Variants in PCDHA2 observed in about 807,000 individuals in gnomAD.
PCDHA2 encodes protocadherin alpha-2.
Under a neutral mutation model 66.0 loss-of-function variants are expected in PCDHA2, and 58 were observed. That is an observed-to-expected ratio of 0.88 (90% CI 0.71 to 1.09). The LOEUF is 1.09. Ranked by LOEUF, PCDHA2 falls within the 50% of genes least tolerant of loss-of-function variation. The probability of loss-of-function intolerance (pLI) is 0.00; values close to 1 mark genes in which losing one functional copy is unlikely to be tolerated. For missense variants in PCDHA2, 1,267 were observed against 1,242.3 expected, an observed-to-expected ratio of 1.02 and a Z score of -0.30; for synonymous variants, 634 against 554.0, an observed-to-expected ratio of 1.14 and a Z score of -2.03.
In PCDHA2 at chr5:141,009,991, T is replaced by G. The variant is rs929729966; in HGVS notation, c.*54T>G. Reference sequence around the variant, plus strand: ...CCAGTTTTTGTAATAATGGCAAATCTCTCCCATGTAGCAATTCCCTGCTCC... The same window carrying G: ...CCAGTTTTTGTAATAATGGCAAATCGCTCCCATGTAGCAATTCCCTGCTCC... On this transcript the variant is annotated 3_prime_UTR_variant, in exon 4 of 4. Coordinates refer to ENST00000526136, the MANE Select transcript of PCDHA2 (RefSeq NM_018905.3). 13 of 1,578,088 alleles carry G rather than the reference T, an allele frequency of 8.2e-6. No individual in the cohort carries two copies. In the East Asian group the frequency reaches 2.5e-4, roughly 30 times the overall value.
chr5:140,948,029 T>A (rs1372869400), intron 1 of PCDHA2, among the ~76,000 whole-genome samples: 1 of 151,594 alleles, frequency 6.6e-6, no homozygotes, highest in African/African-American at 2.4e-5. Flanking sequence ...TCTGGTTTGC[T>A]CAGAGTTTTA....
chr5:140,966,918 A>T, intron 1 of PCDHA2: 1 of 1,602,744 alleles, frequency 6.2e-7, no homozygotes. Flanking sequence ...GTGCCAGAGG[A>T]GCAGGCACCC....
chr5:140,933,388 GCCATCTGGTTA>G (rs1563137793), intron 1 of PCDHA2, among the ~76,000 whole-genome samples: 2 of 151,906 alleles, frequency 1.3e-5, no homozygotes, highest in Non-Finnish European at 2.9e-5. Context: ...TGTTCCTAGA[GCCATCTGGTTA>G]CCATCTACAG....
intron 1 of PCDHA2, chr5:140,831,049 T>C (rs1289663905): frequency 6.6e-6 from 1 of 152,264 alleles, no homozygotes; most frequent in Non-Finnish European, 1.5e-5. Flanking sequence ...ATAGTGTTCA[T>C]TTATTGTCCC....
At chr5:140,897,009 A>G (rs550757061) in intron 1 of PCDHA2, among the ~76,000 whole-genome samples, 6 of 152,292 alleles carry the variant, frequency 3.9e-5, no homozygotes, top group African/African-American at 9.6e-5. Context: ...ATTTTTAAAT[A>G]TACAACTAAA....
intron 1 of PCDHA2, among the ~76,000 whole-genome samples, chr5:140,797,648 A>G (rs1449945057): frequency 6.6e-6 from 1 of 152,256 alleles, no homozygotes; most frequent in Non-Finnish European, 1.5e-5. Context: ...AACATTTCCC[A>G]TAAATATTTT....
In PCDHA2 at chr5:140,941,191, T is replaced by C. The variant is rs184104978; in HGVS notation, c.2389-37758T>C. Among the ~76,000 whole-genome samples the C allele has an allele frequency of 2.1e-3, 199 of 93,252 alleles. 3 individuals are homozygous for C. Among genetic ancestry groups the C allele is most frequent in the South Asian group, 0.011 (39 of 3,542 alleles). The allele number at this position is 93,252 out of a possible 152,430, so 61.2% of individuals were successfully genotyped here. A position where few individuals can be genotyped will look rare whatever the true frequency, so the allele number is the denominator to read the frequency against. On this transcript the variant is annotated intron_variant, in intron 1 of 3. Transcript: ENST00000526136. ...CATCTTGAACATCCTGCTTCTTTTT[T>C]TTTCTTTCTTCCTTTCTTTCTTCCT...
Position 140,917,329 on chromosome 5 carries a change from G to GT in PCDHA2, c.2389-61620_2389-61619insT, listed in dbSNP as rs1563018868. On this transcript the variant is annotated intron_variant, in intron 1 of 3. Coordinates refer to ENST00000526136, the MANE Select transcript of PCDHA2 (RefSeq NM_018905.3). ...ACAATTTGGTGTTCATGTGGCGGGG[G>GT]AGGGGGGGGATGGTGTAGGCTTCTG... is the stretch of plus-strand genomic sequence containing the variant. 5.6e-5 allele frequency among the ~76,000 whole-genome samples: 8 copies of GT among 143,930 alleles called. 1 individual carries two copies. The highest frequency in any genetic ancestry group is 9.1e-5 in the Non-Finnish European group (6 of 65,842). The allele number at this position is 143,930 out of a possible 152,430, so 94.4% of individuals were successfully genotyped here.
intron 1 of PCDHA2, chr5:140,827,893 C>G: frequency 1.4e-6 from 1 of 729,632 alleles, no homozygotes; most frequent in African/African-American, 1.8e-5. Context: ...GATTTCTTAC[C>G]TTTTGGAGCC....
rs182063339 is a variant in PCDHA2 at position 140,937,439 on chromosome 5, T to C, written c.2389-41510T>C. Among the ~76,000 whole-genome samples, 830 of 152,312 alleles carry C rather than the reference T, an allele frequency of 5.4e-3. 3 individuals are homozygous for C. The highest frequency in any genetic ancestry group is 0.019 in the African/African-American group (799 of 41,586). Reference sequence around the variant, plus strand: ...TAGATAGCTGATATTTTAATGCTATTTTAAAAGTTTAATTTTATAATACAA... The same window carrying C: ...TAGATAGCTGATATTTTAATGCTATCTTAAAAGTTTAATTTTATAATACAA... On this transcript the variant is annotated intron_variant, in intron 1 of 3. Coordinates refer to ENST00000526136, the MANE Select transcript of PCDHA2 (RefSeq NM_018905.3).
intron 1 of PCDHA2, chr5:140,802,811 C>T: frequency 6.2e-7 from 1 of 1,613,360 alleles, no homozygotes. Context: ...TGAGTGCGCG[C>T]GATGCGGGCG....
intron 1 of PCDHA2, among the ~76,000 whole-genome samples, chr5:140,933,379 G>A (rs1403607512): frequency 6.6e-6 from 1 of 151,928 alleles, no homozygotes; most frequent in East Asian, 1.9e-4. Flanking sequence ...TTCCTTGGCT[G>A]TTCCTAGAGC....
chr5:140,933,715 G>C (rs1292658358), intron 1 of PCDHA2, among the ~76,000 whole-genome samples: 1 of 151,902 alleles, frequency 6.6e-6, no homozygotes, highest in Non-Finnish European at 1.5e-5. Flanking sequence ...ACTGAGATTG[G>C]TGATACAGCT....
intron 1 of PCDHA2, chr5:140,927,599 C>T (rs1250728851): frequency 6.2e-7 from 1 of 1,614,070 alleles, no homozygotes; most frequent in African/African-American, 1.3e-5. Context: ...TTTGAGCGCT[C>T]CGTATACCGC....
Position 140,847,536 on chromosome 5 carries a change from G to A in PCDHA2, c.2388+50184G>A, listed in dbSNP as rs1162683759. On this transcript the variant is annotated intron_variant, in intron 1 of 3. Transcript: ENST00000526136. ...AACTTAGTCAGGAAAAGAATCTCAAGCATAGCTTTAAAAACAGAAATTGCC... is the reference window on the plus strand; with the variant it reads ...AACTTAGTCAGGAAAAGAATCTCAAACATAGCTTTAAAAACAGAAATTGCC... 3 of 149,444 alleles carry A rather than the reference G, an allele frequency of 2.0e-5. 1 individual carries two copies. Among genetic ancestry groups the A allele is most frequent in the African/African-American group, 7.3e-5 (3 of 40,850 alleles). The allele number at this position is 149,444 out of a possible 1,614,324, so 9.3% of individuals were successfully genotyped here.
chr5:140,816,467 C>T (rs1765911805), intron 1 of PCDHA2: 1 of 151,890 alleles, frequency 6.6e-6, no homozygotes, highest in Admixed American at 6.6e-5. Context: ...AAGTAATTCA[C>T]ATAGCTCTAT....
At chr5:140,827,455 G>C (rs1173734499) in intron 1 of PCDHA2, among the ~76,000 whole-genome samples, 1 of 152,188 alleles carries the variant, frequency 6.6e-6, no homozygotes, top group African/African-American at 2.4e-5. Flanking sequence ...AGAACCTTAA[G>C]AGCATCTGAT....
intron 1 of PCDHA2, among the ~76,000 whole-genome samples, chr5:140,806,342 A>C (rs1763719960): frequency 6.6e-6 from 1 of 152,254 alleles, no homozygotes; most frequent in Admixed American, 6.5e-5. Context: ...AGAACAAGCA[A>C]GTACTTATAA....
chr5:140,803,082 G>C, intron 1 of PCDHA2: 1 of 1,613,954 alleles, frequency 6.2e-7, no homozygotes, highest in African/African-American at 1.3e-5. Context: ...GCTGTACACG[G>C]GAGAGATCAG....
Sources: allele counts gnomAD v4.1 joint callset (sites outside exome capture counted in the v4.1 genomes callset), GRCh38; gene constraint gnomAD v4.1.1; transcripts MANE v1.5; gene names NCBI Gene and HGNC (gene_info 2026-07-23, HGNC 2026-07-21).